Variants in NIBAN1 observed in about 807,000 individuals in gnomAD.
NIBAN1 encodes the protein protein Niban 1.
Under a neutral mutation model 75.1 loss-of-function variants are expected in NIBAN1, and 81 were observed. That is an observed-to-expected ratio of 1.08 (90% CI 0.90 to 1.30). The LOEUF (loss-of-function observed/expected upper bound fraction) is 1.30. Among genes scored for constraint, NIBAN1 ranks in the 50% most tolerant of loss-of-function variants. The pLI, the probability that NIBAN1 is intolerant of heterozygous loss-of-function variation, is 0.00. For synonymous variants in NIBAN1, 436 were observed against 424.8 expected (o/e 1.03, Z -0.32); for missense variants, 1,133 against 1,128.1 (o/e 1.00, Z -0.06).
chr1:184,866,706 G>T (rs1179689573), intron 5 of NIBAN1, among the ~76,000 whole-genome samples: 3 of 152,044 alleles, frequency 2.0e-5, no homozygotes, highest in Non-Finnish European at 4.4e-5. Flanking sequence ...ACCAAATATG[G>T]AACTAGAAAT....
At chr1:184,861,546 G>A (rs1655814745) in intron 5 of NIBAN1, among the ~76,000 whole-genome samples, 2 of 148,324 alleles carry the variant, frequency 1.3e-5, no homozygotes, top group Admixed American at 6.7e-5. Context: ...GGGAGGAAGG[G>A]AGGGAGGAAG....
chr1:184,853,363 A>G (rs1405207280), intron 5 of NIBAN1, among the ~76,000 whole-genome samples: 6 of 152,376 alleles, frequency 3.9e-5, no homozygotes, highest in South Asian at 4.1e-4. Context: ...TATACAATGG[A>G]ATACAGGTCA....
intron 1 of NIBAN1, among the ~76,000 whole-genome samples, chr1:184,944,955 G>A (rs533973007): frequency 6.6e-6 from 1 of 152,312 alleles, no homozygotes; most frequent in East Asian, 1.9e-4. Context: ...AGATGGTAAT[G>A]AGGACACAGA....
chr1:184,892,918 T>C lies in NIBAN1; in HGVS notation c.318+1157A>G, dbSNP rs146371070. On this transcript the variant is annotated intron_variant, in intron 3 of 13. Coordinates refer to ENST00000367511, the MANE Select transcript of NIBAN1 (RefSeq NM_052966.4). ...TCTTGAGTATCTGAGACTACAGGCA[T>C]GCACCAGCATGCCCAGCTAATTTTT... Among the ~76,000 whole-genome samples, 32 of 152,202 alleles carry C rather than the reference T, an allele frequency of 2.1e-4. No homozygotes were observed. In the East Asian group the frequency reaches 5.4e-3, roughly 26 times the overall value.
Position 184,855,213 on chromosome 1 carries a change from AAAAT to A in NIBAN1, c.602-23255_602-23252del, listed in dbSNP as rs543045712. ...TTATTAAATAGTTGTAACAGCATAT[AAAAT>A]ATTCCAGACCAATTATAATTATTAA... is the stretch of plus-strand genomic sequence containing the variant. On this transcript the variant is annotated intron_variant, in intron 5 of 13. Coordinates refer to ENST00000367511, the MANE Select transcript of NIBAN1 (RefSeq NM_052966.4). Among the ~76,000 whole-genome samples, 37 of 152,358 alleles carry A rather than the reference AAAAT, an allele frequency of 2.4e-4. No individual in the cohort carries two copies. In the South Asian group the frequency reaches 3.1e-3, roughly 13 times the overall value.
intron 4 of NIBAN1, among the ~76,000 whole-genome samples, 156 bp downstream of exon 4, chr1:184,889,952 A>G (rs552382857): frequency 6.6e-6 from 1 of 152,324 alleles, no homozygotes; most frequent in South Asian, 2.1e-4. Flanking sequence ...ACTAAATGCC[A>G]TAGCACCCCG....
At chr1:184,882,053 C>G (rs535381722) in intron 5 of NIBAN1, among the ~76,000 whole-genome samples, 6 of 152,152 alleles carry the variant, frequency 3.9e-5, no homozygotes, top group Non-Finnish European at 8.8e-5. Context: ...CGGTTCTCAA[C>G]AGAGAAGCAC....
chr1:184,928,876 C>T lies in NIBAN1; in HGVS notation c.56-29567G>A, dbSNP rs565537251. Among the ~76,000 whole-genome samples, 13 of 152,190 alleles carry T rather than the reference C, an allele frequency of 8.5e-5. No individual in the cohort carries two copies. The East Asian group carries it at 2.1e-3, about 25-fold the overall frequency. Reference sequence around the variant, plus strand: ...TTGGTGTTCCTGCAGGGAGGAAAATCGCTGGAGGCTTCTATTAGGCCATCT... The same window carrying T: ...TTGGTGTTCCTGCAGGGAGGAAAATTGCTGGAGGCTTCTATTAGGCCATCT... On this transcript the variant is annotated intron_variant, in intron 1 of 13. Transcript: ENST00000367511.
intron 6 of NIBAN1, among the ~76,000 whole-genome samples, chr1:184,825,205 G>C (rs1443545713): frequency 6.6e-6 from 1 of 152,214 alleles, no homozygotes; most frequent in African/African-American, 2.4e-5. Context: ...CTCATGAAAA[G>C]TTGTTAAACA....
At chr1:184,881,283 T>A (rs969749319) in intron 5 of NIBAN1, among the ~76,000 whole-genome samples, 7 of 152,104 alleles carry the variant, frequency 4.6e-5, no homozygotes, top group African/African-American at 1.7e-4. Flanking sequence ...AGGCCCTTCA[T>A]CAGGGTTAAA....
chr1:184,968,134 C>T lies in NIBAN1; in HGVS notation c.55+6168G>A, dbSNP rs1658846150. On this transcript the variant is annotated intron_variant, in intron 1 of 13. Transcript: ENST00000367511. ...AGGAGAATGGCGTGAACCCGGGAAG[C>T]GGAGCTTGCAGTGAGCCGAGATTGC... 1.2e-4 allele frequency among the ~76,000 whole-genome samples: 2 copies of T among 16,276 alleles called. 1 individual carries two copies. The highest frequency in any genetic ancestry group is 1.2e-3 in the Admixed American group (2 of 1,654). The allele number at this position is 16,276 out of a possible 152,430, so 10.7% of individuals were successfully genotyped here.
chr1:184,889,754 T>C (rs1656617508), intron 4 of NIBAN1, among the ~76,000 whole-genome samples: 1 of 152,142 alleles, frequency 6.6e-6, no homozygotes, highest in Admixed American at 6.5e-5. Flanking sequence ...GGATTAGAAA[T>C]AATGGAAGTG....
intron 1 of NIBAN1, among the ~76,000 whole-genome samples, chr1:184,970,380 A>G (rs901232001): frequency 5.9e-5 from 9 of 152,296 alleles, no homozygotes; most frequent in African/African-American, 2.2e-4. Flanking sequence ...TGACCGAAGA[A>G]GCAAATGTGT....
chr1:184,795,833 C>T lies in NIBAN1; in HGVS notation c.1931G>A (p.Gly644Glu). 2 of 1,609,444 alleles carry T rather than the reference C, an allele frequency of 1.2e-6. No individual in the cohort carries two copies. Among genetic ancestry groups the T allele is most frequent in the South Asian group, 2.2e-5 (2 of 90,396 alleles). ...AGTCCCATCTGGGGGTGGGCTTGGCCCAGGGAGAGAAAGGCTTTCTCCTTT... is the reference window on the plus strand; with the variant it reads ...AGTCCCATCTGGGGGTGGGCTTGGCTCAGGGAGAGAAAGGCTTTCTCCTTT... ...LAKGESLSLP[G>E]PSPPPDGTEQ... Residue 644 changes from glycine to glutamate, a missense_variant, in exon 14 of 14, where the codon GGG becomes GAG. By Grantham distance (98) the Gly-to-Glu change is moderately conservative. Transcript: ENST00000367511.
In NIBAN1 at chr1:184,935,009, G is replaced by A. The variant is rs567886974; in HGVS notation, c.56-35700C>T. On this transcript the variant is annotated intron_variant, in intron 1 of 13. Transcript: ENST00000367511. ...CACTTAAGCCGGGGAGCTCAAGGCT[G>A]CAATGAGCCGTGGTCACACCACTGC... Among the ~76,000 whole-genome samples, 19 of 152,348 alleles carry A rather than the reference G, an allele frequency of 1.2e-4. 1 individual carries two copies. The South Asian group carries it at 2.9e-3, about 23-fold the overall frequency.
chr1:184,894,172 G>A lies in NIBAN1; in HGVS notation c.221C>T (p.Ala74Val), dbSNP rs1656741077. 1 of 1,611,670 alleles carries A rather than the reference G, an allele frequency of 6.2e-7. No homozygotes were observed. The highest frequency in any genetic ancestry group is 8.5e-7 in the Non-Finnish European group (1 of 1,179,132). Residue 74 changes from alanine (A) to valine (V), a missense_variant, in exon 3 of 14, where the codon GCA becomes GTA. Physicochemically the swap from Ala to Val is moderately conservative, Grantham distance 64. Transcript: ENST00000367511. ...PLAPGTILYE[A>V]ELSQFSEDIK... ...GTCTTCAGAAAATTGTGATAGCTCT[G>A]CTTCATACAAAATAGTTCCAGGCGC...
intron 1 of NIBAN1, among the ~76,000 whole-genome samples, chr1:184,950,065 T>C (rs900588196): frequency 1.3e-5 from 2 of 152,322 alleles, no homozygotes; most frequent in African/African-American, 4.8e-5. Context: ...ATTTTTTATT[T>C]GCTTTATCTC....
At chr1:184,898,134 C>T (rs1246744847) in intron 2 of NIBAN1, among the ~76,000 whole-genome samples, 1 of 152,152 alleles carries the variant, frequency 6.6e-6, no homozygotes, top group Non-Finnish European at 1.5e-5. Flanking sequence ...ATTGTTCCTC[C>T]CTCCTCCCTT....
intron 5 of NIBAN1, among the ~76,000 whole-genome samples, chr1:184,856,107 G>C (rs1394878147): frequency 6.6e-6 from 1 of 152,130 alleles, no homozygotes; most frequent in Non-Finnish European, 1.5e-5. Flanking sequence ...TATTTTTCTA[G>C]TTATAAATGC....
Sources: allele counts gnomAD v4.1 joint callset (sites outside exome capture counted in the v4.1 genomes callset), GRCh38; gene constraint gnomAD v4.1.1; transcripts MANE v1.5; gene names NCBI Gene and HGNC (gene_info 2026-07-23, HGNC 2026-07-21).